PWWP2A: variants seen among roughly 807,000 people sequenced by gnomAD.
The protein encoded by PWWP2A is PWWP domain containing 2A.
In PWWP2A, 18 loss-of-function variants were observed where a neutral mutation model predicts 48.5. That is an observed-to-expected ratio of 0.37 (90% CI 0.26 to 0.55). The LOEUF (loss-of-function observed/expected upper bound fraction) is 0.55, where lower values mean the gene tolerates loss of function less well. PWWP2A is among the 20% of genes least tolerant of loss of function. The pLI is 0.81. For missense variants in PWWP2A, 867 were observed against 976.4 expected, an observed-to-expected ratio of 0.89 and a Z score of 1.49; for synonymous variants, 396 against 387.7, an observed-to-expected ratio of 1.02 and a Z score of -0.25.
At position 160,092,452 on chromosome 5, in the gene PWWP2A, G is replaced by T. The variant is rs1442299346; in HGVS notation, c.2198C>A (p.Thr733Lys). ...CTGCTTGGCAGCCTTAGCTGCCTCT[G>T]TGATAGCCTTGCGATACAGGCCCTT... ...KRKGLYRKAI[T>K]EAAKAAKQLT... Residue 733 changes from threonine (T) to lysine (K), a missense_variant, in exon 2 of 2, where the codon ACA becomes AAA. Physicochemically the swap from Thr to Lys is moderately conservative, Grantham distance 78. Around this residue, in one of 4 missense-constraint regions of PWWP2A, gnomAD observed 97 missense variants for 151.7 expected, o/e 0.64. Coordinates refer to ENST00000307063, the MANE Select transcript of PWWP2A (RefSeq NM_001130864.2). 19 of 1,551,656 alleles carry T rather than the reference G, an allele frequency of 1.2e-5. No homozygotes were observed. The highest frequency in any genetic ancestry group is 1.7e-5 in the Non-Finnish European group (19 of 1,146,990).
chr5:160,114,906 C>G (rs191893924), intron 1 of PWWP2A, among the ~76,000 whole-genome samples: 1 of 151,456 alleles, frequency 6.6e-6, no homozygotes, highest in Non-Finnish European at 1.5e-5. Context: ...TCTGGGAGGC[C>G]GAGGCGGATC....
At chr5:160,108,767 C>T (rs1431108833) in intron 1 of PWWP2A, among the ~76,000 whole-genome samples, 1 of 152,220 alleles carries the variant, frequency 6.6e-6, no homozygotes, top group Non-Finnish European at 1.5e-5. Context: ...TGTACACACA[C>T]ACAGTATTTG....
At position 160,118,984 on chromosome 5, in the gene PWWP2A, C is replaced by T. The variant is rs760321673; in HGVS notation, c.405G>A (p.Leu135=). The stretch of plus-strand genomic sequence containing the variant: ...CGAGCGCCGGGGCTACGGGCTGAGG[C>T]AGCGGCGGCTCCTCGCGCTCCTCGG... ...PAPEEREEPP[L]PQPVAPALVP... Residue 135 remains leucine, a synonymous_variant, in exon 1 of 2, where the codon CTG becomes CTA. Coordinates refer to ENST00000307063, the MANE Select transcript of PWWP2A (RefSeq NM_001130864.2). The T allele has an allele frequency of 6.3e-7, 1 of 1,597,538 alleles. No individual in the cohort carries two copies. The highest frequency in any genetic ancestry group is 1.1e-5 in the South Asian group (1 of 89,698).
downstream of PWWP2A, among the ~76,000 whole-genome samples, chr5:160,074,677 C>T (rs1438333028): frequency 2.1e-5 from 3 of 142,204 alleles, no homozygotes; most frequent in African/African-American, 5.3e-5. Flanking sequence ...ACCCGGGAGG[C>T]GGAGGTTGCA....
At chr5:160,051,128 G>C in the PWWP2A span, 3 of 1,597,900 alleles carry the variant, frequency 1.9e-6, no homozygotes, top group Non-Finnish European at 2.6e-6. Flanking sequence ...CTTTTCCTCA[G>C]AGATTACCTA....
chr5:160,097,337 A>C (rs1455423662), intron 1 of PWWP2A, among the ~76,000 whole-genome samples: 64 of 11,090 alleles, frequency 5.8e-3, no homozygotes, highest in Middle Eastern at 0.083. Flanking sequence ...CCTTTGTCTC[A>C]AAAAAAAAAA....
At chr5:160,051,305 C>A in the PWWP2A span, 2 of 731,282 alleles carry the variant, frequency 2.7e-6, no homozygotes, top group Admixed American at 2.7e-5. Flanking sequence ...AGGCTACTGA[C>A]TTCTGAGTTA....
chr5:160,057,100 G>T (rs970068971), downstream of PWWP2A, among the ~76,000 whole-genome samples: 1 of 152,098 alleles, frequency 6.6e-6, no homozygotes, highest in Admixed American at 6.6e-5. The surrounding 1 kb of genome is among the most constrained non-coding windows in gnomAD (Gnocchi z 4.4). Context: ...TGTTGTGGTT[G>T]GTTGTTCCCT....
chr5:160,088,441 G>A (rs761151350), downstream of PWWP2A, among the ~76,000 whole-genome samples: 16 of 152,218 alleles, frequency 1.1e-4, no homozygotes, highest in Non-Finnish European at 1.9e-4. Context: ...TAGAGACGGG[G>A]GTTTCGCCAT....
chr5:160,067,101 A>G (rs1466718531), intron 2 of PWWP2A, among the ~76,000 whole-genome samples: 1 of 152,148 alleles, frequency 6.6e-6, no homozygotes, highest in Non-Finnish European at 1.5e-5. Flanking sequence ...TCAAAGACAC[A>G]TTTTAGTGAG....
chr5:160,112,686 C>G (rs552666516), intron 1 of PWWP2A, among the ~76,000 whole-genome samples: 4 of 152,312 alleles, frequency 2.6e-5, no homozygotes, highest in East Asian at 3.9e-4. Context: ...AACCAGGCCA[C>G]CTGGTCATTC....
downstream of PWWP2A, among the ~76,000 whole-genome samples, chr5:160,060,016 G>A (rs1045749947): frequency 6.6e-6 from 1 of 152,172 alleles, no homozygotes; most frequent in African/African-American, 2.4e-5. Context: ...AATTTCAACT[G>A]GGCATGAATT....
At chr5:160,087,325 G>A (rs1359214410), downstream of PWWP2A, among the ~76,000 whole-genome samples, 1 of 151,388 alleles carries the variant, frequency 6.6e-6, no homozygotes, top group Non-Finnish European at 1.5e-5. Context: ...AGGAAGTCTA[G>A]GCTGTGATCT....
Position 160,078,125 on chromosome 5 carries a change from G to T in PWWP2A, c.*30C>A. The T allele has an allele frequency of 6.5e-7, 1 of 1,543,702 alleles. No homozygotes were observed. Among genetic ancestry groups the T allele is most frequent in the Non-Finnish European group, 8.8e-7 (1 of 1,136,848 alleles). On this transcript the variant is annotated 3_prime_UTR_variant, in exon 4 of 4. Transcript: ENST00000456329. This position sits in a 1 kb window ranked among gnomAD's most constrained non-coding sequence, Gnocchi z 4.2. ...ATGCTCTGGTGTTCTCTGTGTCATT[G>T]TGGTACAGGTCCATGAAACCAGCAG...
Position 160,119,116 on chromosome 5 carries a change from A to G in PWWP2A, c.273T>C (p.Ala91=). ...CCACCCGAACGGACAGTTTCTCCTCAGCCTCCAGCTCCGGCCCCACCGCCT... is the reference window on the plus strand; with the variant it reads ...CCACCCGAACGGACAGTTTCTCCTCGGCCTCCAGCTCCGGCCCCACCGCCT... ...SPEAVGPELE[A]EEKLSVRVAE... Residue 91 remains alanine, a synonymous_variant, in exon 1 of 2, where the codon GCT becomes GCC. Coordinates refer to ENST00000307063, the MANE Select transcript of PWWP2A (RefSeq NM_001130864.2). The G allele has an allele frequency of 6.3e-7, 1 of 1,586,870 alleles. No individual in the cohort carries two copies. Among genetic ancestry groups the G allele is most frequent in the Non-Finnish European group, 8.5e-7 (1 of 1,175,666 alleles).
At chr5:160,114,110 T>A (rs76069554) in intron 1 of PWWP2A, among the ~76,000 whole-genome samples, 3,848 of 152,310 alleles carry the variant, frequency 0.025, 69 homozygotes, top group Middle Eastern at 0.051. Context: ...CCAAATAAGA[T>A]ACAAATTACT....
chr5:160,093,440 G>C lies in PWWP2A; in HGVS notation c.1210C>G (p.Gln404Glu). ...SRGRVVKVSA[Q>E]ANTSKAQLST... ...AACTGAGCTTTTGATGTATTTGCCT[G>C]AGCAGAAACTTTTACTACTCTGCCT... is the stretch of plus-strand genomic sequence containing the variant. The change falls in exon 2 of 2, where the codon CAG becomes GAG. Residue 404 changes from glutamine (Q) to glutamate (E), a missense_variant. Gln to Glu is a conservative substitution (Grantham distance 29, BLOSUM62 2). Around this residue, in one of 4 missense-constraint regions of PWWP2A, gnomAD observed 382 missense variants for 407.2 expected, o/e 0.94. Coordinates refer to ENST00000307063, the MANE Select transcript of PWWP2A (RefSeq NM_001130864.2). The surrounding 1 kb of genome is among the most constrained non-coding windows in gnomAD (Gnocchi z 5.8). 1 of 1,613,504 alleles carries C rather than the reference G, an allele frequency of 6.2e-7. No individual in the cohort carries two copies. Among genetic ancestry groups the C allele is most frequent in the Non-Finnish European group, 8.5e-7 (1 of 1,179,772 alleles).
Position 160,092,544 on chromosome 5 carries a change from A to C in PWWP2A, c.2106T>G (p.Ser702=). Reference sequence around the variant, plus strand: ...GGGAGAGTTGTGAAAGAGCAAGGAAAGATGTTGTTGGAGACCCAAACCATG... The same window carrying C: ...GGGAGAGTTGTGAAAGAGCAAGGAACGATGTTGTTGGAGACCCAAACCATG... ...RISWFGSPTT[S]FLALSQLSPF... is the part of the protein sequence containing the mutation. Residue 702 remains serine, a synonymous_variant, in exon 2 of 2, where the codon TCT becomes TCG. Transcript: ENST00000307063. The C allele has an allele frequency of 1.3e-6, 2 of 1,551,684 alleles. No individual in the cohort carries two copies. The highest frequency in any genetic ancestry group is 1.7e-6 in the Non-Finnish European group (2 of 1,146,994).
At chr5:160,110,019 CT>C (rs1192761965) in intron 1 of PWWP2A, among the ~76,000 whole-genome samples, 97 of 141,888 alleles carry the variant, frequency 6.8e-4, no homozygotes, top group African/African-American at 1.1e-3. Flanking sequence ...TTTGACAGTC[CT>C]TTTTTTTTTT....
Sources: gnomAD v4.1 joint callset for allele counts (sites outside exome capture counted in the v4.1 genomes callset) on GRCh38, gnomAD v4.1.1 for gene constraint, gnomAD v4.1.1 regional missense constraint, Gnocchi (gnomAD v3.1) non-coding constraint, MANE v1.5 for transcripts, NCBI Gene and HGNC (gene_info 2026-07-23, HGNC 2026-07-21) for gene names.